SLCO2A1: variants seen among roughly 807,000 people sequenced by gnomAD.
SLCO2A1 encodes solute carrier organic anion transporter family member 2A1, also known as matrin F/G 1.
SLCO2A1 carries 60 observed loss-of-function variants against 71.7 expected under a neutral mutation model. The ratio of observed to expected loss-of-function variants is 0.84; its 90% CI spans 0.68 to 1.04. The LOEUF is 1.04. SLCO2A1 is among the 50% of genes least tolerant of loss of function. SLCO2A1 has a pLI of 0.00. For synonymous variants in SLCO2A1, 308 were observed against 326.7 expected (o/e 0.94, Z 0.62); for missense variants, 745 against 813.4 (o/e 0.92, Z 1.02).
intron 3 of SLCO2A1, among the ~76,000 whole-genome samples, chr3:133,964,868 C>T (rs138063375): frequency 0.026 from 3,910 of 152,264 alleles, 71 homozygotes; most frequent in South Asian, 0.076. Flanking sequence ...CTTTCTCTTC[C>T]GCTGCCCACA....
At chr3:134,008,865 CTT>C (rs1372340484) in intron 1 of SLCO2A1, among the ~76,000 whole-genome samples, 1 of 152,226 alleles carries the variant, frequency 6.6e-6, no homozygotes, top group Non-Finnish European at 1.5e-5. Context: ...TGTTATCTGA[CTT>C]TGCCTCAATT....
At chr3:133,948,796 C>T (rs1370594113) in intron 7 of SLCO2A1, 96 bp from the exon 8 acceptor site, 1 of 1,589,834 alleles carries the variant, frequency 6.3e-7, no homozygotes, top group Non-Finnish European at 8.6e-7. Flanking sequence ...TCCTACTGTC[C>T]CTTACCGCAC....
rs528799976 is a variant in SLCO2A1 at position 133,959,723 on chromosome 3, G to A, written c.398-4530C>T. Among the ~76,000 whole-genome samples the A allele has an allele frequency of 7.9e-5, 12 of 152,156 alleles. No individual in the cohort carries two copies. In the East Asian group the frequency reaches 1.5e-3, roughly 20 times the overall value. On this transcript the variant is annotated intron_variant, in intron 3 of 13. Coordinates refer to ENST00000310926, the MANE Select transcript of SLCO2A1 (RefSeq NM_005630.3). ...TGCCTGTAGTCCTAGCTACTTGGGA[G>A]GCTGAGGTGAGAGGTTGGCTTGAAC...
chr3:134,002,173 G>A (rs1459885477), intron 1 of SLCO2A1, among the ~76,000 whole-genome samples: 1 of 152,188 alleles, frequency 6.6e-6, no homozygotes, highest in East Asian at 1.9e-4. Flanking sequence ...GGGGCAAAAA[G>A]ACAGAAATGG....
At chr3:133,992,559 C>T (rs1435238433) in intron 1 of SLCO2A1, among the ~76,000 whole-genome samples, 2 of 152,196 alleles carry the variant, frequency 1.3e-5, no homozygotes, top group Non-Finnish European at 2.9e-5. Flanking sequence ...TCCTGTTTTC[C>T]GGCTTGAATG....
chr3:134,011,102 G>A (rs925528268), intron 1 of SLCO2A1, among the ~76,000 whole-genome samples: 1 of 152,178 alleles, frequency 6.6e-6, no homozygotes, highest in African/African-American at 2.4e-5. Flanking sequence ...CCAGGCTGGA[G>A]TGCAATGGCG....
chr3:133,994,660 G>C (rs77331653), intron 1 of SLCO2A1, among the ~76,000 whole-genome samples: 1 of 152,190 alleles, frequency 6.6e-6, no homozygotes, highest in African/African-American at 2.4e-5. Context: ...ATGCACCCTT[G>C]GGGGGAAGCT....
At chr3:133,961,195 T>C (rs1367598558) in intron 3 of SLCO2A1, among the ~76,000 whole-genome samples, 4 of 151,994 alleles carry the variant, frequency 2.6e-5, no homozygotes, top group Non-Finnish European at 4.4e-5. Flanking sequence ...GGGGAGTTGA[T>C]TCCATCAAGA....
chr3:134,009,709 T>C (rs1433510838), intron 1 of SLCO2A1, among the ~76,000 whole-genome samples: 4 of 152,222 alleles, frequency 2.6e-5, no homozygotes, highest in African/African-American at 9.7e-5. Context: ...ATGAAGACCT[T>C]CAGGACCACC....
chr3:133,970,379 G>C (rs1237073616), intron 3 of SLCO2A1, among the ~76,000 whole-genome samples: 1 of 152,210 alleles, frequency 6.6e-6, no homozygotes, highest in Non-Finnish European at 1.5e-5. Context: ...GGTTCCAGTA[G>C]ACCATTCAGG....
intron 6 of SLCO2A1, among the ~76,000 whole-genome samples, chr3:133,950,073 A>G (rs1576430187): frequency 6.6e-6 from 1 of 151,694 alleles, no homozygotes; most frequent in Admixed American, 6.6e-5. Flanking sequence ...TTCCTTCCCT[A>G]CCCACCAATC....
intron 2 of SLCO2A1, among the ~76,000 whole-genome samples, chr3:133,976,619 G>A (rs951758670): frequency 1.3e-5 from 2 of 151,438 alleles, no homozygotes; most frequent in African/African-American, 2.5e-5. Context: ...CAGCTGTTCC[G>A]GCTGAGAAGA....
intron 1 of SLCO2A1, among the ~76,000 whole-genome samples, chr3:133,997,996 G>A (rs1333193092): frequency 6.6e-6 from 1 of 152,220 alleles, no homozygotes; most frequent in African/African-American, 2.4e-5. Flanking sequence ...CGGTGCCGGG[G>A]AGGTGCTGGC....
chr3:133,945,544 C>T (rs750512766), intron 9 of SLCO2A1, among the ~76,000 whole-genome samples: 7 of 152,178 alleles, frequency 4.6e-5, no homozygotes, highest in African/African-American at 7.2e-5. Context: ...CCACAGTAGG[C>T]GTCAAGACAA....
chr3:133,936,526 G>A (rs1576424031), intron 12 of SLCO2A1, among the ~76,000 whole-genome samples: 1 of 152,170 alleles, frequency 6.6e-6, no homozygotes, highest in African/African-American at 2.4e-5. Flanking sequence ...GATTTGGCTT[G>A]GCAGGGGCTA....
intron 3 of SLCO2A1, among the ~76,000 whole-genome samples, chr3:133,970,587 C>T (rs1278195986): frequency 2.0e-5 from 3 of 152,200 alleles, no homozygotes; most frequent in East Asian, 3.9e-4. Context: ...GCACTGGCAC[C>T]GTGTGCAGCC....
intron 1 of SLCO2A1, among the ~76,000 whole-genome samples, chr3:133,995,117 A>T (rs977930827): frequency 6.6e-6 from 1 of 151,412 alleles, no homozygotes; most frequent in Non-Finnish European, 1.5e-5. Flanking sequence ...GATCATCATC[A>T]GCTTCCCAGA....
chr3:133,953,806 A>T, intron 4 of SLCO2A1, 45 bp from the exon 5 acceptor site: 1 of 1,530,212 alleles, frequency 6.5e-7, no homozygotes, highest in Non-Finnish European at 9.1e-7. Flanking sequence ...AAATGGAGAG[A>T]GTTTGGCAGC....
intron 1 of SLCO2A1, among the ~76,000 whole-genome samples, chr3:134,029,110 G>A (rs923432396): frequency 2.0e-5 from 3 of 152,178 alleles, no homozygotes; most frequent in Admixed American, 6.5e-5. Flanking sequence ...GAAGCCGCCC[G>A]CTGAGAGGGA....
Sources: allele counts gnomAD v4.1 joint callset (sites outside exome capture counted in the v4.1 genomes callset), GRCh38; gene constraint gnomAD v4.1.1; transcripts MANE v1.5; gene names NCBI Gene and HGNC (gene_info 2026-07-23, HGNC 2026-07-21).